VPS13B: variants seen among roughly 807,000 people sequenced by gnomAD.
The protein encoded by VPS13B is intermembrane lipid transfer protein VPS13B.
A neutral mutation model predicts 426.4 loss-of-function variants in VPS13B; 285 were observed. The ratio of observed to expected loss-of-function variants is 0.67; its 90% CI spans 0.61 to 0.74. The LOEUF (loss-of-function observed/expected upper bound fraction) is 0.74. VPS13B is among the 30% of genes least tolerant of loss of function. The pLI, the probability that VPS13B is intolerant of heterozygous loss-of-function variation, is 0.00. For missense variants in VPS13B, 4,537 were observed against 4,782.6 expected (o/e 0.95, Z 1.51); for synonymous variants, 1,676 against 1,676.4 (o/e 1.00, Z 0.01).
chr8:99,856,465 T>A (rs531777165), intron 56 of VPS13B, among the ~76,000 whole-genome samples: 23 of 152,326 alleles, frequency 1.5e-4, no homozygotes, highest in African/African-American at 5.5e-4. Flanking sequence ...CTCACTTGAG[T>A]CAGAGTGCCC....
chr8:99,835,623 A>G lies in VPS13B; in HGVS notation c.9827A>G (p.Tyr3276Cys), dbSNP rs563162284. 4.3e-6 allele frequency: 7 copies of G among 1,614,080 alleles called. No homozygotes were observed. The East Asian group carries it at 1.6e-4, about 36-fold the overall frequency. The change falls in exon 54 of 62, where the codon TAT (tyrosine) becomes TGT (cysteine). Residue 3276 changes from tyrosine (Y) to cysteine (C), a missense_variant. Physicochemically the swap from Tyr to Cys is radical, Grantham distance 194. Coordinates refer to ENST00000357162, the MANE Select transcript of VPS13B (RefSeq NM_152564.5). ...HHELYHQISSYPDCKTKDLLP... is the reference protein window; with the variant it reads ...HHELYHQISSCPDCKTKDLLP... Reference sequence around the variant, plus strand: ...GAGCTGTATCATCAGATTTCCAGTTATCCGGACTGCAAGACCAAAGACTTA... The same window carrying G: ...GAGCTGTATCATCAGATTTCCAGTTGTCCGGACTGCAAGACCAAAGACTTA...
chr8:99,766,279 TCA>T (rs1811221222), intron 39 of VPS13B, among the ~76,000 whole-genome samples: 1 of 152,002 alleles, frequency 6.6e-6, no homozygotes, highest in Admixed American at 6.6e-5. Context: ...AGATGGGGTT[TCA>T]CCACGTTGGC....
intron 50 of VPS13B, 30 bp from the exon 51 acceptor site, chr8:99,823,802 C>G (rs1281321395): frequency 1.2e-6 from 2 of 1,608,642 alleles, no homozygotes; most frequent in African/African-American, 2.7e-5. Context: ...ACAGTATTGT[C>G]AAAATTATTT....
chr8:99,302,443 C>T (rs1209300149), intron 19 of VPS13B, among the ~76,000 whole-genome samples: 1 of 152,130 alleles, frequency 6.6e-6, no homozygotes, highest in Non-Finnish European at 1.5e-5. Flanking sequence ...TGGGCAAAAT[C>T]TTCTAACACA....
rs531796113 is a variant in VPS13B at position 99,436,235 on chromosome 8, T to C, written c.3210+4571T>C. 2.0e-5 allele frequency among the ~76,000 whole-genome samples: 3 copies of C among 152,262 alleles called. No homozygotes were observed. The South Asian group carries it at 6.2e-4, about 32-fold the overall frequency. On this transcript the variant is annotated intron_variant, in intron 22 of 61. Transcript: ENST00000357162. ...TGTAGTATAAAATGGATACATTAAATAATATTTAAGGTTACTTCCAACTCT... is the reference window on the plus strand; with the variant it reads ...TGTAGTATAAAATGGATACATTAAACAATATTTAAGGTTACTTCCAACTCT...
chr8:99,285,123 A>C (rs999316323), intron 19 of VPS13B, among the ~76,000 whole-genome samples: 2 of 152,208 alleles, frequency 1.3e-5, no homozygotes, highest in Admixed American at 6.5e-5. Context: ...TCAAGGTAAA[A>C]ATTTGCAAAC....
chr8:99,784,780 TC>T (rs1812180775), intron 43 of VPS13B, among the ~76,000 whole-genome samples: 1 of 152,152 alleles, frequency 6.6e-6, no homozygotes, highest in African/African-American at 2.4e-5. Context: ...TTTCTGTTCT[TC>T]AGTTTTCTCA....
At chr8:99,342,459 T>G (rs1240392517) in intron 19 of VPS13B, among the ~76,000 whole-genome samples, 2 of 152,210 alleles carry the variant, frequency 1.3e-5, no homozygotes, top group Non-Finnish European at 2.9e-5. Flanking sequence ...CAAGTTCAAC[T>G]TTTTTAGATT....
At chr8:99,751,699 A>G (rs571681161) in intron 39 of VPS13B, among the ~76,000 whole-genome samples, 15 of 152,364 alleles carry the variant, frequency 9.8e-5, no homozygotes, top group African/African-American at 3.6e-4. Context: ...TGTTACATAT[A>G]AAATCACTTT....
chr8:99,268,301 C>T (rs1818410650), intron 17 of VPS13B, among the ~76,000 whole-genome samples: 1 of 152,170 alleles, frequency 6.6e-6, no homozygotes, highest in Non-Finnish European at 1.5e-5. Context: ...GAGAAGAGGG[C>T]CACTGTCCTC....
In VPS13B at chr8:99,105,523, C is replaced by T. The variant is rs1256130654; in HGVS notation, c.580+2403C>T. Among the ~76,000 whole-genome samples, 6 of 152,176 alleles carry T rather than the reference C, an allele frequency of 3.9e-5. No individual in the cohort carries two copies. The East Asian group carries it at 7.7e-4, about 20-fold the overall frequency. ...CCTCCCAAGTAGCTGGGACTCTAGG[C>T]GCCTGCCAGCATGCCTGGCTAATTT... On this transcript the variant is annotated intron_variant, in intron 5 of 61. Coordinates refer to ENST00000357162, the MANE Select transcript of VPS13B (RefSeq NM_152564.5).
intron 17 of VPS13B, among the ~76,000 whole-genome samples, chr8:99,246,365 C>G (rs1450258297): frequency 1.3e-5 from 2 of 152,108 alleles, no homozygotes; most frequent in African/African-American, 4.8e-5. Context: ...TCTAGGACAG[C>G]GACTGGCAAG....
chr8:99,743,848 T>C (rs1397271849), intron 39 of VPS13B, among the ~76,000 whole-genome samples: 2 of 152,182 alleles, frequency 1.3e-5, no homozygotes, highest in Non-Finnish European at 2.9e-5. Context: ...AAGACTTACA[T>C]GTTAGACCTA....
At chr8:99,793,358 G>A (rs1465598635) in intron 43 of VPS13B, among the ~76,000 whole-genome samples, 22 of 149,596 alleles carry the variant, frequency 1.5e-4, no homozygotes, top group Admixed American at 6.0e-4. Context: ...GAAAAACAAA[G>A]ATAAAGAGAA....
chr8:99,126,244 T>C (rs533619417), intron 8 of VPS13B, among the ~76,000 whole-genome samples: 78 of 152,316 alleles, frequency 5.1e-4, no homozygotes, highest in Admixed American at 9.8e-4. Flanking sequence ...AATAGTTCTC[T>C]TAACTCAGAG....
intron 16 of VPS13B, among the ~76,000 whole-genome samples, chr8:99,177,234 G>C (rs969768984): frequency 6.6e-6 from 1 of 152,078 alleles, no homozygotes; most frequent in Non-Finnish European, 1.5e-5. Flanking sequence ...TTTTTTTTAT[G>C]ACATGGACCA....
chr8:99,224,540 C>T (rs957513766), intron 17 of VPS13B, among the ~76,000 whole-genome samples: 6 of 151,970 alleles, frequency 3.9e-5, no homozygotes, highest in African/African-American at 9.7e-5. Flanking sequence ...AATCATAAGA[C>T]TATAGCTAAT....
intron 17 of VPS13B, among the ~76,000 whole-genome samples, chr8:99,235,570 AT>A (rs995248924): frequency 6.6e-5 from 10 of 152,038 alleles, no homozygotes; most frequent in African/African-American, 2.2e-4. Context: ...TTCAGCCTAC[AT>A]TTTTTTAGAG....
intron 19 of VPS13B, among the ~76,000 whole-genome samples, chr8:99,375,490 A>G (rs1813434714): frequency 1.3e-5 from 2 of 152,210 alleles, no homozygotes; most frequent in Non-Finnish European, 2.9e-5. Context: ...CCATACATGT[A>G]TGTATTGTAC....
Sources: allele counts gnomAD v4.1 joint callset (sites outside exome capture counted in the v4.1 genomes callset), GRCh38; gene constraint gnomAD v4.1.1; transcripts MANE v1.5; gene names NCBI Gene and HGNC (gene_info 2026-07-23, HGNC 2026-07-21).